PRR16: variants seen among roughly 807,000 people sequenced by gnomAD.
PRR16 encodes protein Largen.
Under a neutral mutation model 18.2 loss-of-function variants are expected in PRR16, and 6 were observed. That is an observed-to-expected ratio of 0.33 (90% confidence interval 0.18 to 0.65). The LOEUF is 0.65. Ranked by LOEUF, PRR16 falls within the 30% of genes least tolerant of loss-of-function variation. The pLI, the probability that PRR16 is intolerant of heterozygous loss-of-function variation, is 0.74. For synonymous variants in PRR16, 151 were observed against 147.8 expected, an observed-to-expected ratio of 1.02 and a Z score of -0.16; for missense variants, 412 against 376.6, an observed-to-expected ratio of 1.09 and a Z score of -0.78.
chr5:120,688,097 A>G (rs1757168730), downstream of PRR16, among the ~76,000 whole-genome samples: 1 of 152,182 alleles, frequency 6.6e-6, no homozygotes, highest in Non-Finnish European at 1.5e-5. Flanking sequence ...TGATCTCAAA[A>G]CTGTAATCTT....
the PRR16 span, among the ~76,000 whole-genome samples, chr5:120,754,004 ATATT>A: frequency 7.9e-6 from 1 of 126,992 alleles, no homozygotes; most frequent in Non-Finnish European, 1.6e-5. Flanking sequence ...TATAATATAT[ATATT>A]ATATAATATA....
chr5:120,752,746 TAA>T, the PRR16 span, among the ~76,000 whole-genome samples: 6 of 151,996 alleles, frequency 3.9e-5, no homozygotes, highest in Admixed American at 3.9e-4. Flanking sequence ...CGTAGGTTTA[TAA>T]ATCAATTTAG....
At chr5:120,691,604 C>G (rs547108190), downstream of PRR16, among the ~76,000 whole-genome samples, 6 of 152,160 alleles carry the variant, frequency 3.9e-5, no homozygotes, top group East Asian at 1.2e-3. Context: ...TAACATTGAC[C>G]CCTAAAGCCA....
chr5:120,685,313 G>C (rs891399717), intron 1 of PRR16, among the ~76,000 whole-genome samples: 2 of 152,148 alleles, frequency 1.3e-5, no homozygotes, highest in Admixed American at 1.3e-4. Context: ...GACTCCCAAG[G>C]ATTCTAAATT....
chr5:120,472,054 C>G (rs1561503988), intron 1 of PRR16, among the ~76,000 whole-genome samples: 1 of 152,086 alleles, frequency 6.6e-6, no homozygotes, highest in South Asian at 2.1e-4. Context: ...TTTGTTTTCT[C>G]TCTTTCTACT....
chr5:120,771,827 G>A, the PRR16 span, among the ~76,000 whole-genome samples: 1 of 151,772 alleles, frequency 6.6e-6, no homozygotes, highest in Non-Finnish European at 1.5e-5. Context: ...TTTTAAAAAT[G>A]ACTAGAAACA....
At chr5:120,489,770 T>A (rs1030286201) in intron 1 of PRR16, among the ~76,000 whole-genome samples, 11 of 152,228 alleles carry the variant, frequency 7.2e-5, no homozygotes, top group Non-Finnish European at 1.5e-4. Flanking sequence ...CAATTTGGCA[T>A]GTTTTTGCAG....
intron 1 of PRR16, among the ~76,000 whole-genome samples, chr5:120,627,352 G>A (rs74593512): frequency 0.057 from 8,695 of 152,148 alleles, 303 homozygotes; most frequent in South Asian, 0.082. Context: ...ATTCTGTACA[G>A]CCATAGTAGA....
intron 1 of PRR16, among the ~76,000 whole-genome samples, chr5:120,568,405 T>G (rs1026511341): frequency 2.0e-5 from 3 of 152,158 alleles, no homozygotes; most frequent in African/African-American, 7.2e-5. Context: ...TGTCATTGTT[T>G]ATGATCAGGG....
the PRR16 span, among the ~76,000 whole-genome samples, chr5:120,694,504 G>A: frequency 1.3e-5 from 2 of 151,986 alleles, no homozygotes; most frequent in African/African-American, 4.8e-5. Flanking sequence ...CTAACACGGT[G>A]AAACCCCGTC....
At chr5:120,764,440 T>G in the PRR16 span, among the ~76,000 whole-genome samples, 1 of 152,118 alleles carries the variant, frequency 6.6e-6, no homozygotes, top group Non-Finnish European at 1.5e-5. Context: ...TTTTTTAATG[T>G]GCTCTTGGGT....
intron 1 of PRR16, among the ~76,000 whole-genome samples, chr5:120,472,432 C>T (rs547224572): frequency 6.6e-6 from 1 of 152,062 alleles, no homozygotes; most frequent in South Asian, 2.1e-4. Flanking sequence ...TTAATAGTCT[C>T]CCTCCCCCCA....
intron 1 of PRR16, among the ~76,000 whole-genome samples, chr5:120,604,319 C>A (rs562049918): frequency 1.3e-5 from 2 of 152,100 alleles, no homozygotes; most frequent in South Asian, 4.1e-4. Flanking sequence ...CCTTCCTTGT[C>A]CTTTTTTATC....
At chr5:120,467,625 G>A (rs1010536895) in intron 1 of PRR16, among the ~76,000 whole-genome samples, 2 of 152,078 alleles carry the variant, frequency 1.3e-5, no homozygotes, top group African/African-American at 4.8e-5. Context: ...TTAATAAGTA[G>A]TGACAAAACT....
At chr5:120,779,803 T>G in the PRR16 span, among the ~76,000 whole-genome samples, 1 of 152,168 alleles carries the variant, frequency 6.6e-6, no homozygotes, top group Non-Finnish European at 1.5e-5. Flanking sequence ...TATCTGCTAC[T>G]GCCACCTCCT....
chr5:120,766,960 A>AT, the PRR16 span, among the ~76,000 whole-genome samples: 88 of 152,002 alleles, frequency 5.8e-4, no homozygotes, highest in African/African-American at 2.0e-3. Context: ...AATATTAGTG[A>AT]TTTTTTATTT....
At chr5:120,661,775 C>T (rs72794345) in intron 1 of PRR16, among the ~76,000 whole-genome samples, 2 of 151,978 alleles carry the variant, frequency 1.3e-5, no homozygotes, top group African/African-American at 2.4e-5. Context: ...TATTTCCCCT[C>T]TAGATCACGC....
At chr5:120,695,740 A>G in the PRR16 span, among the ~76,000 whole-genome samples, 1 of 152,096 alleles carries the variant, frequency 6.6e-6, no homozygotes, top group Non-Finnish European at 1.5e-5. Context: ...AGCGACCCCA[A>G]TACTGAGAAG....
chr5:120,683,481 G>A lies in PRR16; in HGVS notation c.160-2473G>A, dbSNP rs570374759. Among the ~76,000 whole-genome samples the A allele has an allele frequency of 2.1e-3, 286 of 138,266 alleles. 2 individuals carry two copies. Among genetic ancestry groups the A allele is most frequent in the Admixed American group, 3.2e-3 (41 of 12,778 alleles). 90.7% of individuals were successfully genotyped at this position (138,266 alleles called of 152,430 possible). ...CGCATCACTGCACTCCAGCCTGGGC[G>A]ACAGTGTGACACTCCGTCTCAAAAA... On this transcript the variant is annotated intron_variant, in intron 1 of 1. Transcript: ENST00000407149.
Sources: gnomAD v4.1 joint callset for allele counts (sites outside exome capture counted in the v4.1 genomes callset) on GRCh38, gnomAD v4.1.1 for gene constraint, MANE v1.5 for transcripts, NCBI Gene and HGNC (gene_info 2026-07-23, HGNC 2026-07-21) for gene names.